The following DLGAP1 variants were observed in gnomAD, a reference collection of about 807,000 sequenced individuals.
The protein encoded by DLGAP1 is DLG associated protein 1.
A neutral mutation model predicts 90.8 loss-of-function variants in DLGAP1; 11 were observed. The observed-to-expected ratio is 0.12, with a 90% confidence interval of 0.08 to 0.20. The LOEUF (loss-of-function observed/expected upper bound fraction) is 0.20. Ranked by LOEUF, DLGAP1 falls within the 10% of genes least tolerant of loss-of-function variation. The pLI is 1.00. For missense variants in DLGAP1, 1,050 were observed against 1,333.8 expected, an observed-to-expected ratio of 0.79 and a Z score of 3.31; for synonymous variants, 558 against 540.7, an observed-to-expected ratio of 1.03 and a Z score of -0.44.
At chr18:4,066,004 A>T (rs2075365441) in intron 2 of DLGAP1, among the ~76,000 whole-genome samples, 1 of 152,170 alleles carries the variant, frequency 6.6e-6, no homozygotes, top group African/African-American at 2.4e-5. Flanking sequence ...GAAGTCAGAA[A>T]TATGACCACA....
chr18:4,365,632 G>T (rs1392232861), intron 1 of DLGAP1, among the ~76,000 whole-genome samples: 1 of 152,046 alleles, frequency 6.6e-6, no homozygotes, highest in Non-Finnish European at 1.5e-5. Context: ...ATGGATATGT[G>T]TATGTACCAC....
intron 7 of DLGAP1, among the ~76,000 whole-genome samples, chr18:3,588,324 C>T (rs983286479): frequency 6.6e-6 from 1 of 152,044 alleles, no homozygotes; most frequent in Non-Finnish European, 1.5e-5. Context: ...TCAGGCGTGG[C>T]AGCACATGCA....
intron 2 of DLGAP1, among the ~76,000 whole-genome samples, chr18:4,085,151 G>A (rs1404988022): frequency 5.9e-5 from 9 of 152,298 alleles, no homozygotes; most frequent in African/African-American, 1.7e-4. Flanking sequence ...GTAGAATTAA[G>A]TGGGTAAATA....
chr18:3,989,783 C>CA (rs2073923270), intron 3 of DLGAP1, among the ~76,000 whole-genome samples: 1 of 151,916 alleles, frequency 6.6e-6, no homozygotes, highest in Non-Finnish European at 1.5e-5. Flanking sequence ...AACAAATTTA[C>CA]AAGAAAAAAA....
intron 3 of DLGAP1, among the ~76,000 whole-genome samples, chr18:3,999,699 T>C (rs893070825): frequency 2.1e-5 from 2 of 94,348 alleles, no homozygotes; most frequent in African/African-American, 8.5e-5. Context: ...ATATTTCAAG[T>C]GTCGCTTACA....
At chr18:3,973,768 C>T (rs1446695401) in intron 3 of DLGAP1, among the ~76,000 whole-genome samples, 5 of 152,156 alleles carry the variant, frequency 3.3e-5, no homozygotes, top group Non-Finnish European at 1.5e-5. Context: ...TCCATGTTAA[C>T]CAGCTGAGGG....
At chr18:3,850,041 A>G (rs1181334095) in intron 4 of DLGAP1, among the ~76,000 whole-genome samples, 1 of 152,170 alleles carries the variant, frequency 6.6e-6, no homozygotes, top group Non-Finnish European at 1.5e-5. Context: ...AATATTAGTC[A>G]AACACATACA....
intron 7 of DLGAP1, among the ~76,000 whole-genome samples, chr18:3,587,600 G>A (rs796769442): frequency 5.6e-4 from 85 of 152,244 alleles, no homozygotes; most frequent in African/African-American, 1.9e-3. Context: ...CAGCAATCCC[G>A]CTTGGGTCCC....
chr18:4,296,535 C>T (rs2079986406), intron 1 of DLGAP1, among the ~76,000 whole-genome samples: 1 of 152,162 alleles, frequency 6.6e-6, no homozygotes, highest in Non-Finnish European at 1.5e-5. Flanking sequence ...TTAGTTCATC[C>T]TCCTTCAACC....
chr18:3,753,386 G>T (rs981971793), intron 5 of DLGAP1, among the ~76,000 whole-genome samples: 2 of 152,082 alleles, frequency 1.3e-5, no homozygotes, highest in African/African-American at 2.4e-5. Context: ...ATTTTTACTG[G>T]TCTCACATCT....
At chr18:3,923,133 C>CAA (rs34107115) in intron 3 of DLGAP1, among the ~76,000 whole-genome samples, 1,761 of 70,960 alleles carry the variant, frequency 0.025, 81 homozygotes, top group African/African-American at 0.038. Flanking sequence ...GAACCTGTCT[C>CAA]AAAAAAAAAA....
At chr18:3,798,380 T>C (rs550636046) in intron 5 of DLGAP1, among the ~76,000 whole-genome samples, 1 of 152,174 alleles carries the variant, frequency 6.6e-6, no homozygotes, top group African/African-American at 2.4e-5. Flanking sequence ...GTGAGCCCTT[T>C]GGGGTCAATG....
intron 1 of DLGAP1, among the ~76,000 whole-genome samples, chr18:4,249,034 T>A (rs1010293874): frequency 2.1e-4 from 32 of 152,232 alleles, no homozygotes; most frequent in Admixed American, 2.0e-4. Context: ...TATGCAAATA[T>A]GCCTTGCTCA....
chr18:4,105,836 C>G (rs544496799), intron 2 of DLGAP1, among the ~76,000 whole-genome samples: 4 of 151,960 alleles, frequency 2.6e-5, no homozygotes, highest in Admixed American at 2.0e-4. Flanking sequence ...CGAGACCATC[C>G]TGGCTAACAC....
chr18:4,123,424 G>C (rs995434123), intron 2 of DLGAP1, among the ~76,000 whole-genome samples: 3 of 152,154 alleles, frequency 2.0e-5, no homozygotes, highest in Non-Finnish European at 4.4e-5. Context: ...GCACAGAGGA[G>C]AGGGAGGGAG....
intron 2 of DLGAP1, among the ~76,000 whole-genome samples, chr18:4,065,560 T>C (rs9954449): frequency 0.43 from 65,859 of 151,804 alleles, 15,264 homozygotes; most frequent in African/African-American, 0.6. Flanking sequence ...CAGGAATGAA[T>C]TCCCATTCAC....
At chr18:3,586,604 G>A (rs893019979) in intron 7 of DLGAP1, among the ~76,000 whole-genome samples, 7 of 152,206 alleles carry the variant, frequency 4.6e-5, no homozygotes, top group East Asian at 3.9e-4. Flanking sequence ...CACAACGGGC[G>A]CATGCCACCA....
At chr18:4,380,468 T>C (rs191319045) in intron 1 of DLGAP1, among the ~76,000 whole-genome samples, 49 of 152,210 alleles carry the variant, frequency 3.2e-4, no homozygotes, top group Admixed American at 1.4e-3. Flanking sequence ...ACACATTCTT[T>C]CCTTTGCTTT....
At chr18:4,376,540 T>A (rs984953652) in intron 1 of DLGAP1, among the ~76,000 whole-genome samples, 1 of 152,202 alleles carries the variant, frequency 6.6e-6, no homozygotes, top group Non-Finnish European at 1.5e-5. Context: ...GCGTGGTGTT[T>A]ATCATTTCTT....
Sources: gnomAD v4.1 joint callset for allele counts (sites outside exome capture counted in the v4.1 genomes callset) on GRCh38, gnomAD v4.1.1 for gene constraint, MANE v1.5 for transcripts, NCBI Gene and HGNC (gene_info 2026-07-23, HGNC 2026-07-21) for gene names.